Variants in NPAS3 observed in about 807,000 individuals in gnomAD.
NPAS3 encodes the protein neuronal PAS domain-containing protein 3.
Under a neutral mutation model 73.1 loss-of-function variants are expected in NPAS3, and 14 were observed. The ratio of observed to expected loss-of-function variants is 0.19; its 90% CI spans 0.13 to 0.30. The LOEUF is 0.30. NPAS3 is among the 10% of genes least tolerant of loss of function. The pLI, the probability that NPAS3 is intolerant of heterozygous loss-of-function variation, is 1.00. For missense variants in NPAS3, 1,096 were observed against 1,250.0 expected (o/e 0.88, Z 1.86); for synonymous variants, 620 against 541.5 (o/e 1.14, Z -2.01).
At chr14:33,784,737 A>T (rs200446148) in intron 9 of NPAS3, among the ~76,000 whole-genome samples, 872 of 79,686 alleles carry the variant, frequency 0.011, 19 homozygotes, top group African/African-American at 0.029. Context: ...TTATTTATTT[A>T]TTTATTTATT....
chr14:33,667,796 T>C (rs1330470413), intron 5 of NPAS3, among the ~76,000 whole-genome samples: 4 of 152,176 alleles, frequency 2.6e-5, no homozygotes, highest in Non-Finnish European at 5.9e-5. Context: ...AAGAATTTTG[T>C]TCCTTCTTGT....
chr14:33,715,585 T>G (rs1205464869), intron 6 of NPAS3, among the ~76,000 whole-genome samples: 1 of 152,172 alleles, frequency 6.6e-6, no homozygotes, highest in Non-Finnish European at 1.5e-5. Flanking sequence ...TATACGTCTG[T>G]GTTGGAATGG....
intron 3 of NPAS3, among the ~76,000 whole-genome samples, chr14:33,366,290 A>C (rs7148520): frequency 6.6e-6 from 1 of 151,378 alleles, no homozygotes; most frequent in Admixed American, 6.6e-5. Context: ...AAAAATAGGC[A>C]GAAGAACAGG....
At chr14:33,070,332 C>T (rs2041442136) in intron 2 of NPAS3, among the ~76,000 whole-genome samples, 1 of 151,682 alleles carries the variant, frequency 6.6e-6, no homozygotes, top group African/African-American at 2.4e-5. Flanking sequence ...TTATCAGCAA[C>T]TATATGGCCT....
intron 4 of NPAS3, among the ~76,000 whole-genome samples, chr14:33,512,501 A>T (rs1165140295): frequency 6.6e-6 from 1 of 152,070 alleles, no homozygotes; most frequent in Non-Finnish European, 1.5e-5. Flanking sequence ...AAATGACTCA[A>T]ATGTTATAAC....
chr14:33,034,693 T>C (rs1652601727), intron 1 of NPAS3, among the ~76,000 whole-genome samples: 1 of 152,078 alleles, frequency 6.6e-6, no homozygotes, highest in African/African-American at 2.4e-5. Context: ...CTAAAATAAT[T>C]GTATTCAACT....
Position 33,641,031 on chromosome 14 carries a change from T to C in NPAS3, c.559-35180T>C, listed in dbSNP as rs76158809. ...TAGGATAACGGGTGATTTTTTAGTA[T>C]CTTCTGTATACTTTATTGTAGTTTG... On this transcript the variant is annotated intron_variant, in intron 5 of 11. Transcript: ENST00000356141. Among the ~76,000 whole-genome samples the C allele has an allele frequency of 9.3e-3, 1,416 of 152,324 alleles. 44 individuals are homozygous for C. The East Asian group carries it at 0.12, about 13-fold the overall frequency.
chr14:33,087,229 T>TTGTACA (rs1246407831), intron 2 of NPAS3, among the ~76,000 whole-genome samples: 8 of 92,698 alleles, frequency 8.6e-5, no homozygotes, highest in East Asian at 7.1e-4. Flanking sequence ...TTGTATAATA[T>TTGTACA]ATATTATACA....
chr14:33,142,214 T>TTTTTA (rs1425588405), intron 2 of NPAS3, among the ~76,000 whole-genome samples: 1 of 130,444 alleles, frequency 7.7e-6, no homozygotes, highest in Non-Finnish European at 1.6e-5. Context: ...TTTTTTTTTT[T>TTTTTA]ACTAAAATCT....
rs1281381150 is a variant in NPAS3, at chr14:33,498,931, AGAGAGTGTGTGTGTGTGT to A, written c.469-61188_469-61171del. Among the ~76,000 whole-genome samples the A allele has an allele frequency of 5.5e-4, 66 of 119,332 alleles. 1 individual carries two copies. The East Asian group carries it at 0.011, about 20-fold the overall frequency. The allele number at this position is 119,332 out of a possible 152,430, so 78.3% of individuals were successfully genotyped here. A position where few individuals can be genotyped will look rare whatever the true frequency, so the allele number is the denominator to read the frequency against. On this transcript the variant is annotated intron_variant, in intron 4 of 11. Transcript: ENST00000356141. ...AAATGAATGAGAGAGAGAGACAGAG[AGAGAGTGTGTGTGTGTGT>A]GTGTGTGTGTGTGTGTGTGTGTGTG... is the stretch of plus-strand genomic sequence containing the variant.
intron 2 of NPAS3, among the ~76,000 whole-genome samples, chr14:33,068,726 A>G (rs2041367917): frequency 6.6e-6 from 1 of 152,208 alleles, no homozygotes; most frequent in South Asian, 2.1e-4. Context: ...CCATTAAAAG[A>G]AAGATGACAT....
At chr14:33,463,365 G>A (rs2139523221) in intron 4 of NPAS3, among the ~76,000 whole-genome samples, 1 of 152,194 alleles carries the variant, frequency 6.6e-6, no homozygotes, top group East Asian at 1.9e-4. Flanking sequence ...TGTCTTTAAA[G>A]CTTTCAAGTA....
At chr14:33,019,424 A>G (rs1339239441) in intron 1 of NPAS3, among the ~76,000 whole-genome samples, 1 of 152,204 alleles carries the variant, frequency 6.6e-6, no homozygotes, top group African/African-American at 2.4e-5. Flanking sequence ...ATTTGTATTA[A>G]CACACAGCCC....
chr14:33,081,275 C>T (rs2041855557), intron 2 of NPAS3, among the ~76,000 whole-genome samples: 2 of 152,174 alleles, frequency 1.3e-5, no homozygotes, highest in African/African-American at 2.4e-5. Context: ...TCACTTCTCT[C>T]ATTTCAGAAC....
chr14:33,368,302 T>C (rs17100826), intron 4 of NPAS3, among the ~76,000 whole-genome samples: 23,342 of 148,820 alleles, frequency 0.16, 2,300 homozygotes, highest in East Asian at 0.36. Context: ...TATTATGTGA[T>C]TCTGCGTTAA....
rs1330226470 is a variant in NPAS3 at position 33,769,771 on chromosome 14, T to C, written c.853-4566T>C. On this transcript the variant is annotated intron_variant, in intron 7 of 11. Transcript: ENST00000356141. ...TTTTTTTTTTCTTTTTTTTTTTTTT[T>C]TTTTTTTTTTTGAGACAAGATCTTG... 3.6e-5 allele frequency among the ~76,000 whole-genome samples: 5 copies of C among 137,530 alleles called. No homozygotes were observed. The East Asian group carries it at 1.1e-3, about 30-fold the overall frequency. 90.2% of individuals were successfully genotyped at this position (137,530 alleles called of 152,430 possible). A position where few individuals can be genotyped will look rare whatever the true frequency, so the allele number is the denominator to read the frequency against.
rs368993484 is a variant in NPAS3, at chr14:33,708,727, G to A, written c.734-26487G>A. ...CACATGGAGGTGGGGGGAGCAGGAC[G>A]GGAAAATTAAAAATAACCCAGCAAG... On this transcript the variant is annotated intron_variant, in intron 6 of 11. Coordinates refer to ENST00000356141, the Ensembl canonical transcript of NPAS3. Among the ~76,000 whole-genome samples, 57 of 152,274 alleles carry A rather than the reference G, an allele frequency of 3.7e-4. 1 individual carries two copies. In the East Asian group the frequency reaches 6.2e-3, roughly 17 times the overall value.
chr14:33,215,762 G>C (rs1241165273), intron 3 of NPAS3, among the ~76,000 whole-genome samples: 3 of 152,102 alleles, frequency 2.0e-5, no homozygotes, highest in Non-Finnish European at 4.4e-5. Flanking sequence ...AGTGGGGTAT[G>C]GACACATTTG....
At chr14:33,236,217 A>G (rs868824995) in intron 3 of NPAS3, among the ~76,000 whole-genome samples, 6 of 152,118 alleles carry the variant, frequency 3.9e-5, no homozygotes, top group South Asian at 4.2e-4. Context: ...GTGCTTGTCC[A>G]GAAGTGGTGG....
Sources: gnomAD v4.1 joint callset for allele counts (sites outside exome capture counted in the v4.1 genomes callset) on GRCh38, gnomAD v4.1.1 for gene constraint, MANE v1.5 for transcripts, NCBI Gene and HGNC (gene_info 2026-07-23, HGNC 2026-07-21) for gene names.